Variants in CTNND2 observed in about 807,000 individuals in gnomAD.
The protein encoded by CTNND2 is catenin delta 2, also known as catenin delta-2.
Under a neutral mutation model 144.4 loss-of-function variants are expected in CTNND2, and 22 were observed. The ratio of observed to expected loss-of-function variants is 0.15; its 90% CI spans 0.11 to 0.22. The LOEUF is 0.22. Ranked by LOEUF, CTNND2 falls within the 10% of genes least tolerant of loss-of-function variation. The pLI, the probability that CTNND2 is intolerant of heterozygous loss-of-function variation, is 1.00. For synonymous variants in CTNND2, 751 were observed against 695.6 expected, an observed-to-expected ratio of 1.08 and a Z score of -1.25; for missense variants, 1,353 against 1,618.8, an observed-to-expected ratio of 0.84 and a Z score of 2.82.
chr5:11,705,571 G>A (rs1214486253), intron 2 of CTNND2, among the ~76,000 whole-genome samples: 3 of 152,140 alleles, frequency 2.0e-5, no homozygotes, highest in African/African-American at 7.2e-5. Flanking sequence ...TTAATGTGAC[G>A]CTTCTACTCT....
chr5:11,888,723 T>C (rs1460429362), intron 1 of CTNND2, among the ~76,000 whole-genome samples: 1 of 151,832 alleles, frequency 6.6e-6, no homozygotes, highest in Admixed American at 6.6e-5. Context: ...CCTGGTTGTG[T>C]ATTTTTCAAG....
At chr5:11,706,572 C>T (rs1785704802) in intron 2 of CTNND2, among the ~76,000 whole-genome samples, 1 of 152,174 alleles carries the variant, frequency 6.6e-6, no homozygotes, top group Non-Finnish European at 1.5e-5. Context: ...TACTCTCTTT[C>T]CCTTAGTTGT....
At chr5:11,901,755 T>C (rs929632733) in intron 1 of CTNND2, among the ~76,000 whole-genome samples, 1 of 152,158 alleles carries the variant, frequency 6.6e-6, no homozygotes, top group African/African-American at 2.4e-5. Context: ...AACCCACATA[T>C]ACAGTATATG....
intron 2 of CTNND2, among the ~76,000 whole-genome samples, chr5:11,603,428 T>G (rs748150461): frequency 6.6e-6 from 1 of 152,138 alleles, no homozygotes; most frequent in Non-Finnish European, 1.5e-5. Context: ...GGTGTCACCG[T>G]CAGGACCTCA....
intron 9 of CTNND2, among the ~76,000 whole-genome samples, chr5:11,296,464 C>A (rs1749019103): frequency 6.6e-6 from 1 of 152,100 alleles, no homozygotes; most frequent in Non-Finnish European, 1.5e-5. Flanking sequence ...ACCATTTGAC[C>A]CAGCCATCCC....
intron 1 of CTNND2, among the ~76,000 whole-genome samples, chr5:11,785,623 T>C (rs1449068679): frequency 6.6e-6 from 1 of 150,880 alleles, no homozygotes; most frequent in African/African-American, 2.4e-5. Flanking sequence ...ACAGAATGTA[T>C]AGGAGTATCC....
intron 12 of CTNND2, among the ~76,000 whole-genome samples, chr5:11,131,960 A>G (rs1413208623): frequency 1.0e-5 from 1 of 97,702 alleles, no homozygotes; most frequent in South Asian, 2.9e-4. Flanking sequence ...ACTTATCTAG[A>G]TGGTAAAGTT....
At chr5:11,895,349 A>T (rs987073194) in intron 1 of CTNND2, among the ~76,000 whole-genome samples, 2 of 152,214 alleles carry the variant, frequency 1.3e-5, no homozygotes, top group African/African-American at 4.8e-5. Flanking sequence ...TAGTGAATAT[A>T]CCACATACTC....
At chr5:11,515,411 G>A (rs1162352890) in intron 3 of CTNND2, among the ~76,000 whole-genome samples, 3 of 152,214 alleles carry the variant, frequency 2.0e-5, no homozygotes, top group African/African-American at 7.2e-5. Flanking sequence ...CGTTTAGGAT[G>A]TATTTTTCCC....
chr5:11,347,136 G>A (rs1211307399), intron 8 of CTNND2, among the ~76,000 whole-genome samples: 1 of 152,160 alleles, frequency 6.6e-6, no homozygotes, highest in Non-Finnish European at 1.5e-5. Flanking sequence ...TGGGGGTGGA[G>A]GTGAGAAGAG....
intron 15 of CTNND2, among the ~76,000 whole-genome samples, chr5:11,089,846 C>A (rs1156928834): frequency 6.6e-6 from 1 of 152,114 alleles, no homozygotes; most frequent in Non-Finnish European, 1.5e-5. Context: ...TCCATCTCTA[C>A]TAAAAATACA....
chr5:10,983,932 C>T (rs1737612364), intron 20 of CTNND2, among the ~76,000 whole-genome samples: 1 of 152,174 alleles, frequency 6.6e-6, no homozygotes, highest in South Asian at 2.1e-4. Context: ...TGCCGACCCT[C>T]CTTCCTCAGA....
intron 7 of CTNND2, among the ~76,000 whole-genome samples, chr5:11,372,402 C>T (rs991825028): frequency 5.3e-5 from 8 of 152,152 alleles, no homozygotes; most frequent in African/African-American, 1.7e-4. Context: ...ATAGTGGTAA[C>T]GGAGTATAAT....
intron 3 of CTNND2, among the ~76,000 whole-genome samples, chr5:11,417,037 A>G (rs1761990608): frequency 6.6e-6 from 1 of 152,226 alleles, no homozygotes; most frequent in African/African-American, 2.4e-5. Flanking sequence ...TTTTGAAACA[A>G]TATATTGAAA....
intron 1 of CTNND2, among the ~76,000 whole-genome samples, chr5:11,733,161 T>C (rs1011220356): frequency 6.6e-6 from 1 of 152,164 alleles, no homozygotes; most frequent in Non-Finnish European, 1.5e-5. Flanking sequence ...GGCAAATTAA[T>C]AGAATCCAAC....
Position 11,661,871 on chromosome 5 carries a change from C to T in CTNND2, c.174+70265G>A, listed in dbSNP as rs146958239. On this transcript the variant is annotated intron_variant, in intron 2 of 21. Transcript: ENST00000304623. ...AACTGAGTGGCACAGAGGAGGTGAGCGGCAGGCAAATGAGCATTACCGTTC... is the reference window on the plus strand; with the variant it reads ...AACTGAGTGGCACAGAGGAGGTGAGTGGCAGGCAAATGAGCATTACCGTTC... Among the ~76,000 whole-genome samples, 65 of 151,794 alleles carry T rather than the reference C, an allele frequency of 4.3e-4. 1 individual carries two copies. The highest frequency in any genetic ancestry group is 1.2e-3 in the East Asian group (6 of 5,150).
chr5:11,426,965 T>C (rs1339990197), intron 3 of CTNND2, among the ~76,000 whole-genome samples: 1 of 152,216 alleles, frequency 6.6e-6, no homozygotes, highest in East Asian at 1.9e-4. Context: ...TTTTGCACAG[T>C]GTTTCTCCTG....
At chr5:11,250,034 G>C (rs1216200767) in intron 9 of CTNND2, among the ~76,000 whole-genome samples, 1 of 152,146 alleles carries the variant, frequency 6.6e-6, no homozygotes, top group Non-Finnish European at 1.5e-5. Context: ...CAATTCCATA[G>C]GGATTTTCTT....
intron 3 of CTNND2, among the ~76,000 whole-genome samples, chr5:11,527,910 G>A (rs1257720834): frequency 6.6e-6 from 1 of 152,102 alleles, no homozygotes; most frequent in African/African-American, 2.4e-5. Flanking sequence ...TTTATGACTT[G>A]GGTACGGCGC....
Sources: allele counts gnomAD v4.1 joint callset (sites outside exome capture counted in the v4.1 genomes callset), GRCh38; gene constraint gnomAD v4.1.1; transcripts MANE v1.5; gene names NCBI Gene and HGNC (gene_info 2026-07-23, HGNC 2026-07-21).